Variants in GALNT7 observed in about 807,000 individuals in gnomAD.
GALNT7 encodes the protein N-acetylgalactosaminyltransferase 7.
Under a neutral mutation model 82.1 loss-of-function variants are expected in GALNT7, and 60 were observed. The observed-to-expected ratio is 0.73, with a 90% CI of 0.59 to 0.91. The LOEUF is 0.91. Among genes scored for constraint, GALNT7 ranks in the 40% least tolerant of loss-of-function variants. The pLI is 0.00. For missense variants in GALNT7, 660 were observed against 804.2 expected (o/e 0.82, Z 2.17); for synonymous variants, 243 against 275.1 (o/e 0.88, Z 1.15).
At chr4:173,203,314 A>G (rs1732998988) in intron 1 of GALNT7, among the ~76,000 whole-genome samples, 1 of 152,136 alleles carries the variant, frequency 6.6e-6, no homozygotes. Context: ...AATGGTCTCG[A>G]TCTCCTGACT....
intron 1 of GALNT7, among the ~76,000 whole-genome samples, chr4:173,204,748 A>C (rs1029219719): frequency 5.9e-5 from 9 of 152,092 alleles, no homozygotes; most frequent in Non-Finnish European, 1.3e-4. Flanking sequence ...TCTGCATTTA[A>C]GTTTCCTTAA....
intron 1 of GALNT7, among the ~76,000 whole-genome samples, chr4:173,232,990 A>G (rs906962522): frequency 1.3e-5 from 2 of 152,078 alleles, no homozygotes; most frequent in African/African-American, 4.8e-5. Flanking sequence ...AACACGTGGT[A>G]TTTGTCTTTC....
At chr4:173,247,926 A>G in intron 1 of GALNT7, 54 bp from the exon 2 acceptor site, 3 of 1,169,860 alleles carry the variant, frequency 2.6e-6, no homozygotes, top group South Asian at 2.8e-5. Flanking sequence ...CATGAGCTCT[A>G]CTGTGGTGGT....
chr4:173,281,925 T>G (rs1445541716), intron 2 of GALNT7, among the ~76,000 whole-genome samples: 1 of 152,146 alleles, frequency 6.6e-6, no homozygotes, highest in East Asian at 1.9e-4. Context: ...TCTCGTTGTC[T>G]GAACAAGTAC....
In GALNT7 at chr4:173,292,764, T is replaced by C. The variant is rs1736589899; in HGVS notation, c.754+490T>C. ...AAATAGAAATATGGCCTATTTTTCC[T>C]TTCATCTCTGTGCAGCTGATCCTTT... On this transcript the variant is annotated intron_variant, in intron 3 of 11. Transcript: ENST00000265000. The surrounding 1 kb of genome is among the most constrained non-coding windows in gnomAD (Gnocchi z 4.8). Among the ~76,000 whole-genome samples, 1 of 152,212 alleles carries C rather than the reference T, an allele frequency of 6.6e-6. No homozygotes were observed. The highest frequency in any genetic ancestry group is 1.5e-5 in the Non-Finnish European group (1 of 68,026).
At chr4:173,248,700 A>G (rs930847071) in intron 2 of GALNT7, among the ~76,000 whole-genome samples, 3 of 152,206 alleles carry the variant, frequency 2.0e-5, no homozygotes, top group African/African-American at 7.2e-5. Context: ...GGCACTGGTC[A>G]ATGAATTTTT....
At chr4:173,314,755 C>G (rs908998069) in intron 9 of GALNT7, among the ~76,000 whole-genome samples, 1 of 152,210 alleles carries the variant, frequency 6.6e-6, no homozygotes, top group Non-Finnish European at 1.5e-5. Context: ...CAGACATTGT[C>G]ATTTCTTTGT....
chr4:173,227,728 C>T (rs890658110), intron 1 of GALNT7, among the ~76,000 whole-genome samples: 15 of 152,148 alleles, frequency 9.9e-5, no homozygotes, highest in Non-Finnish European at 1.3e-4. Flanking sequence ...GGAGGTCATG[C>T]AGCATGATTC....
intron 2 of GALNT7, among the ~76,000 whole-genome samples, chr4:173,290,642 C>T (rs1031960742): frequency 1.3e-5 from 2 of 152,126 alleles, no homozygotes; most frequent in Non-Finnish European, 2.9e-5. Flanking sequence ...ACCTTTATGT[C>T]GTAAACTTCT....
intron 1 of GALNT7, among the ~76,000 whole-genome samples, chr4:173,211,731 C>G (rs191758391): frequency 1.3e-5 from 2 of 152,090 alleles, no homozygotes; most frequent in East Asian, 1.9e-4. Context: ...TGGGCATGAC[C>G]GTGTAGATTT....
At chr4:173,295,210 A>C (rs560571657) in intron 3 of GALNT7, among the ~76,000 whole-genome samples, 186 bp from the exon 4 acceptor site, 1 of 152,378 alleles carries the variant, frequency 6.6e-6, no homozygotes, top group African/African-American at 2.4e-5. Context: ...AGTTCTCTGT[A>C]GGCATAGTAA....
At chr4:173,201,758 A>C (rs1044356753) in intron 1 of GALNT7, among the ~76,000 whole-genome samples, 4 of 152,230 alleles carry the variant, frequency 2.6e-5, no homozygotes, top group African/African-American at 9.6e-5. Flanking sequence ...ATTAGCTTGA[A>C]GTGCCTCAAT....
intron 1 of GALNT7, among the ~76,000 whole-genome samples, chr4:173,222,888 T>C (rs765273073): frequency 6.6e-6 from 1 of 151,984 alleles, no homozygotes; most frequent in Non-Finnish European, 1.5e-5. Context: ...AAAATGACTA[T>C]TAAGGTTAGA....
chr4:173,205,497 C>CT (rs1391598554), intron 1 of GALNT7, among the ~76,000 whole-genome samples: 6 of 151,882 alleles, frequency 4.0e-5, no homozygotes, highest in African/African-American at 1.2e-4. Flanking sequence ...CTCTTGCTGT[C>CT]TTTTTTTTAT....
intron 5 of GALNT7, among the ~76,000 whole-genome samples, chr4:173,296,929 T>C (rs975168501): frequency 6.6e-6 from 1 of 152,226 alleles, no homozygotes; most frequent in African/African-American, 2.4e-5. Flanking sequence ...TTCTAAGCAC[T>C]GTAGGTTTTC....
chr4:173,184,251 T>G (rs975668268), intron 1 of GALNT7, among the ~76,000 whole-genome samples: 1 of 151,832 alleles, frequency 6.6e-6, no homozygotes, highest in African/African-American at 2.4e-5. Context: ...GGCAGGCGGC[T>G]GGGAGGTGGA....
At chr4:173,244,508 T>A (rs1734545918) in intron 1 of GALNT7, among the ~76,000 whole-genome samples, 1 of 117,726 alleles carries the variant, frequency 8.5e-6, no homozygotes, top group Non-Finnish European at 1.9e-5. Flanking sequence ...TGAGCCAGAC[T>A]ATTTGGATTG....
chr4:173,230,388 A>G (rs1383510304), intron 1 of GALNT7, among the ~76,000 whole-genome samples: 2 of 152,194 alleles, frequency 1.3e-5, no homozygotes, highest in Admixed American at 1.3e-4. Flanking sequence ...TTTTGAAATA[A>G]AATGATTATT....
intron 5 of GALNT7, among the ~76,000 whole-genome samples, chr4:173,296,294 G>C (rs1736714606): frequency 6.6e-6 from 1 of 152,148 alleles, no homozygotes. Context: ...AAACTTTAAA[G>C]TTTAGAAATA....
Sources: gnomAD v4.1 joint callset for allele counts (sites outside exome capture counted in the v4.1 genomes callset) on GRCh38, gnomAD v4.1.1 for gene constraint, Gnocchi (gnomAD v3.1) non-coding constraint, MANE v1.5 for transcripts, NCBI Gene and HGNC (gene_info 2026-07-23, HGNC 2026-07-21) for gene names.